The following STYXL1 variants were observed in gnomAD, a reference collection of about 807,000 sequenced individuals.
The protein encoded by STYXL1 is serine/threonine/tyrosine-interacting-like protein 1.
STYXL1 carries 32 observed loss-of-function variants against 36.4 expected under a neutral mutation model. The ratio of observed to expected loss-of-function variants is 0.88; its 90% CI spans 0.66 to 1.18. The LOEUF is 1.18. STYXL1 is among the 50% of genes most tolerant of loss of function. STYXL1 has a pLI of 0.00. For synonymous variants in STYXL1, 133 were observed against 144.1 expected, an observed-to-expected ratio of 0.92 and a Z score of 0.55; for missense variants, 354 against 394.1, an observed-to-expected ratio of 0.90 and a Z score of 0.86.
At chr7:76,030,317 A>T in intron 2 of STYXL1, 104 bp downstream of exon 2, 1 of 821,604 alleles carries the variant, frequency 1.2e-6, no homozygotes, top group Non-Finnish European at 2.0e-6. Flanking sequence ...CCTGTTCTAA[A>T]GTCATTCACT....
chr7:76,003,892 G>A (rs201299557), intron 6 of STYXL1, 37 bp from the exon 7 acceptor site: 26 of 1,582,270 alleles, frequency 1.6e-5, no homozygotes, highest in South Asian at 2.2e-5. Context: ...CAGGTGGAAT[G>A]CAGAATGCAG....
At chr7:76,028,855 T>G (rs535347824) in intron 2 of STYXL1, 152 bp from the exon 3 acceptor site, 2 of 715,832 alleles carry the variant, frequency 2.8e-6, no homozygotes, top group East Asian at 5.6e-5. Context: ...CTGGGCGCGG[T>G]GGCATGCACC....
At chr7:76,001,068 A>C in intron 7 of STYXL1, 66 bp from the exon 8 acceptor site, 1 of 1,279,870 alleles carries the variant, frequency 7.8e-7, no homozygotes, top group Non-Finnish European at 1.1e-6. Flanking sequence ...GGTTGCTGTC[A>C]GACACTGGCC....
intron 1 of STYXL1, among the ~76,000 whole-genome samples, chr7:76,033,760 G>T (rs558589198): frequency 6.6e-6 from 1 of 152,200 alleles, no homozygotes; most frequent in South Asian, 2.1e-4. Context: ...TCCAGCAGAA[G>T]CGTGGAAAGA....
intron 1 of STYXL1, among the ~76,000 whole-genome samples, chr7:76,039,733 C>T (rs1234855546): frequency 6.6e-6 from 1 of 152,076 alleles, no homozygotes; most frequent in Non-Finnish European, 1.5e-5. Flanking sequence ...CTGCAACCTT[C>T]GCCTCCCAAG....
chr7:76,000,812 C>T (rs573358303), intron 8 of STYXL1, 78 bp downstream of exon 8: 7 of 1,309,102 alleles, frequency 5.3e-6, no homozygotes, highest in Non-Finnish European at 7.7e-6. Flanking sequence ...TGCTGGGGCC[C>T]CACTCCTCCC....
chr7:76,004,318 C>A (rs1424961769), intron 6 of STYXL1, among the ~76,000 whole-genome samples: 2 of 152,100 alleles, frequency 1.3e-5, no homozygotes, highest in African/African-American at 4.8e-5. Flanking sequence ...GGTCATCAAA[C>A]TCCCAACCTC....
chr7:76,026,191 CCAAAAAAAAAA>C (rs1384951922), intron 3 of STYXL1, among the ~76,000 whole-genome samples: 8 of 8,570 alleles, frequency 9.3e-4, no homozygotes, highest in African/African-American at 1.7e-3. Flanking sequence ...GACTCTGTCT[CCAAAAAAAAAA>C]AAAAAAAAAA....
chr7:76,014,864 A>C (rs1793079547), intron 4 of STYXL1, among the ~76,000 whole-genome samples: 1 of 152,178 alleles, frequency 6.6e-6, no homozygotes, highest in African/African-American at 2.4e-5. Flanking sequence ...TGTGCAATTC[A>C]AAACATATAG....
At chr7:76,032,399 G>GAAAAAAA (rs34141153) in intron 1 of STYXL1, among the ~76,000 whole-genome samples, 2 of 132,386 alleles carry the variant, frequency 1.5e-5, no homozygotes, top group East Asian at 4.4e-4. Flanking sequence ...ACCCTGTCTT[G>GAAAAAAA]AAAAAAAAAA....
chr7:76,003,949 G>A, intron 6 of STYXL1, 94 bp from the exon 7 acceptor site: 1 of 1,120,384 alleles, frequency 8.9e-7, no homozygotes, highest in Middle Eastern at 2.1e-4. Context: ...GCCACAGGGA[G>A]GACGCTGAGC....
At chr7:76,001,597 G>A (rs548339280) in intron 7 of STYXL1, among the ~76,000 whole-genome samples, 1 of 151,742 alleles carries the variant, frequency 6.6e-6, no homozygotes, top group Non-Finnish European at 1.5e-5. Flanking sequence ...GGGTTCAAGT[G>A]ATTCTCCTGG....
chr7:76,009,993 G>A (rs963304071), intron 5 of STYXL1, among the ~76,000 whole-genome samples: 6 of 152,258 alleles, frequency 3.9e-5, no homozygotes, highest in Admixed American at 1.3e-4. Context: ...CTGTCAAAAC[G>A]GACCATACCG....
rs148704515 is a variant in STYXL1, at chr7:76,004,572, G to A, written c.599+687C>T. Among the ~76,000 whole-genome samples, 674 of 152,238 alleles carry A rather than the reference G, an allele frequency of 4.4e-3. 7 individuals carry two copies. The highest frequency in any genetic ancestry group is 0.015 in the African/African-American group (629 of 41,542). On this transcript the variant is annotated intron_variant, in intron 6 of 8. Coordinates refer to ENST00000359697, the MANE Select transcript of STYXL1 (RefSeq NM_001317785.2). ...CTACAAAAATTAGCCGGGTATGATG[G>A]CACACACCTTTAGTCCCAGCTACTG...
At chr7:76,030,926 C>T (rs868941880) in intron 1 of STYXL1, among the ~76,000 whole-genome samples, 1 of 150,318 alleles carries the variant, frequency 6.7e-6, no homozygotes, top group Non-Finnish European at 1.5e-5. Flanking sequence ...TTTAGGAGGC[C>T]GAGGCAGGTG....
rs1794984373 is a variant in STYXL1 at position 76,028,589 on chromosome 7, C to T, written c.165+53G>A. On this transcript the variant is annotated intron_variant, in intron 3 of 8. Coordinates refer to ENST00000359697, the MANE Select transcript of STYXL1 (RefSeq NM_001317785.2). ...GAGGGTGAAACTTCCCACTCTTCCC[C>T]ACCCCACTGCAAGGTAGCCAGCCTG... is the stretch of plus-strand genomic sequence containing the variant. 3 of 1,553,638 alleles carry T rather than the reference C, an allele frequency of 1.9e-6. No individual in the cohort carries two copies. In the East Asian group the frequency reaches 6.7e-5, roughly 35 times the overall value.
Position 76,035,711 on chromosome 7 carries a change from C to CTGGCTCCTAACT in STYXL1, c.-4-5185_-4-5184insAGTTAGGAGCCA, listed in dbSNP as rs1302371397. Among the ~76,000 whole-genome samples the CTGGCTCCTAACT allele has an allele frequency of 2.7e-5, 4 of 149,758 alleles. No homozygotes were observed. The East Asian group carries it at 7.7e-4, about 29-fold the overall frequency. On this transcript the variant is annotated intron_variant, in intron 1 of 8. Coordinates refer to ENST00000359697, the MANE Select transcript of STYXL1 (RefSeq NM_001317785.2). The stretch of plus-strand genomic sequence containing the variant: ...TGTCTAGTCCTACAACCTCATTAAG[C>CTGGCTCCTAACT]AAAACTAAAAGCTGGCTCCTAACCC...
Position 76,000,924 on chromosome 7 carries a change from G to C in STYXL1, c.776C>G (p.Ala259Gly). ...CTGCTCGTTACTATGCATGAGGTAG[G>C]CTATGATGGCGGCACAACTGCGGCT... ...GISRSCAAIIAYLMHSNEQTL... is the reference protein window; with the variant it reads ...GISRSCAAIIGYLMHSNEQTL... The change falls in exon 8 of 9, where the codon GCC becomes GGC. Residue 259 changes from alanine (A) to glycine (G), a missense_variant. By Grantham distance (60) the Ala-to-Gly change is moderately conservative. Coordinates refer to ENST00000359697, the MANE Select transcript of STYXL1 (RefSeq NM_001317785.2). The C allele has an allele frequency of 6.2e-7, 1 of 1,614,156 alleles. No homozygotes were observed. Among genetic ancestry groups the C allele is most frequent in the Non-Finnish European group, 8.5e-7 (1 of 1,179,986 alleles).
intron 3 of STYXL1, among the ~76,000 whole-genome samples, chr7:76,027,230 A>C (rs1794817124): frequency 6.6e-6 from 1 of 151,964 alleles, no homozygotes; most frequent in Non-Finnish European, 1.5e-5. Context: ...GGCGTGGGGA[A>C]AAGGTTTCGC....
Sources: gnomAD v4.1 joint callset for allele counts (sites outside exome capture counted in the v4.1 genomes callset) on GRCh38, gnomAD v4.1.1 for gene constraint, MANE v1.5 for transcripts, NCBI Gene and HGNC (gene_info 2026-07-23, HGNC 2026-07-21) for gene names.